The following BTK variants were observed in gnomAD, a reference collection of about 807,000 sequenced individuals.
BTK encodes Bruton tyrosine kinase.
BTK carries 5 observed loss-of-function variants against 57.4 expected under a neutral mutation model. The observed-to-expected ratio is 0.09, with a 90% confidence interval of 0.05 to 0.18. The LOEUF is 0.18. BTK is among the 10% of genes least tolerant of loss of function. BTK has a pLI of 1.00. For synonymous variants in BTK, 154 were observed against 174.3 expected (o/e 0.88, Z 0.92); for missense variants, 194 against 501.2 (o/e 0.39, Z 5.85).
intron 12 of BTK, 49 bp from the exon 13 acceptor site, chrX:101,357,632 A>G: frequency 9.8e-7 from 1 of 1,022,693 alleles, no homozygotes; most frequent in Non-Finnish European, 1.4e-6. Context: ...AGGAGGTGGG[A>G]TGCCTCACAC....
chrX:101,350,088 G>GT (rs1822577000), intron 18 of BTK, 132 bp from the exon 19 acceptor site: 17 of 288,066 alleles, frequency 5.9e-5, no homozygotes, highest in Non-Finnish European at 7.6e-5. Context: ...GATTACAAAA[G>GT]GAAAAAAAAA....
intron 1 of BTK, among the ~76,000 whole-genome samples, chrX:101,378,959 A>AGGTC (rs1346161371): frequency 3.6e-5 from 4 of 110,428 alleles, no homozygotes; most frequent in Admixed American, 9.7e-5. Context: ...GGATCACTTG[A>AGGTC]GGTCAGGAGT....
At position 101,353,052 on chromosome X, in the gene BTK, C is replaced by T. The variant is rs184472722; in HGVS notation, c.1908+142G>A. ...CTGTACTCCAACCTGGGTGAAAGAG[C>T]GAGACCTTGTCTCAAATTAAAAAAA... is the stretch of plus-strand genomic sequence containing the variant. On this transcript the variant is annotated intron_variant, in intron 18 of 18. Transcript: ENST00000308731. The T allele has an allele frequency of 0.044, 25,938 of 588,719 alleles. 568 individuals carry two copies. The highest frequency in any genetic ancestry group is 0.055 in the Non-Finnish European group (20,906 of 381,921). 48.5% of individuals were successfully genotyped at this position (588,719 alleles called of 1,213,427 possible). A position where few individuals can be genotyped will look rare whatever the true frequency, so the allele number is the denominator to read the frequency against.
At chrX:101,361,612 G>C (rs1022454804) in intron 7 of BTK, among the ~76,000 whole-genome samples, 2 of 111,255 alleles carry the variant, frequency 1.8e-5, no homozygotes, top group East Asian at 5.6e-4. Context: ...TAACTTTACT[G>C]TATGTTTGAA....
intron 18 of BTK, among the ~76,000 whole-genome samples, chrX:101,352,476 T>C (rs373142159): frequency 9.0e-6 from 1 of 111,484 alleles, no homozygotes; most frequent in Non-Finnish European, 1.9e-5. Context: ...TCAGAGAATG[T>C]GTGCAAGGCC....
At chrX:101,385,982 T>C (rs1395775323) in intron 1 of BTK, 80 bp downstream of exon 1, 1 of 111,016 alleles carries the variant, frequency 9.0e-6, no homozygotes, top group Non-Finnish European at 1.9e-5. Flanking sequence ...GCACCAGCCA[T>C]GCTGTCTCTC....
At chrX:101,374,986 C>T (rs937641060) in intron 2 of BTK, among the ~76,000 whole-genome samples, 158 bp downstream of exon 2, 1 of 111,460 alleles carries the variant, frequency 9.0e-6, no homozygotes, top group Non-Finnish European at 1.9e-5. Flanking sequence ...CCGGCTTTAG[C>T]TAGTTATAGG....
chrX:101,351,865 T>A lies in BTK; in HGVS notation c.1908+1329A>T, dbSNP rs782069566. ...TAGTTCCCTTTCAAGCAGTAGGTTTTAAAAAAAATCTCATTTAGCCGGGCG... is the reference window on the plus strand; with the variant it reads ...TAGTTCCCTTTCAAGCAGTAGGTTTAAAAAAAAATCTCATTTAGCCGGGCG... On this transcript the variant is annotated intron_variant, in intron 18 of 18. Coordinates refer to ENST00000308731, the MANE Select transcript of BTK (RefSeq NM_000061.3). Among the ~76,000 whole-genome samples the A allele has an allele frequency of 1.3e-4, 14 of 111,564 alleles. No homozygotes were observed. The South Asian group carries it at 3.7e-3, about 30-fold the overall frequency.
chrX:101,354,276 C>T, intron 16 of BTK: 2 of 410,379 alleles, frequency 4.9e-6, no homozygotes, highest in Non-Finnish European at 8.5e-6. Context: ...TGCTCTTCTC[C>T]TTCCCTTCCT....
intron 5 of BTK, among the ~76,000 whole-genome samples, chrX:101,368,313 G>T (rs1410082902): frequency 1.8e-5 from 2 of 112,567 alleles, no homozygotes; most frequent in East Asian, 5.5e-4. Context: ...GAACTGAACT[G>T]TGTATTGCAG....
chrX:101,352,899 CAAAAA>C, intron 18 of BTK: 17 of 169,852 alleles, frequency 1.0e-4, no homozygotes, highest in Non-Finnish European at 1.4e-4. Flanking sequence ...ACTGTGTCAC[CAAAAA>C]AAAAAAAAAA....
chrX:101,378,555 A>ACACACG (rs1320351760), intron 1 of BTK, among the ~76,000 whole-genome samples: 11 of 110,869 alleles, frequency 9.9e-5, no homozygotes, highest in African/African-American at 3.3e-4. Flanking sequence ...ACACACACAC[A>ACACACG]CACACACACC....
intron 1 of BTK, among the ~76,000 whole-genome samples, chrX:101,376,854 T>G (rs1927231231): frequency 9.0e-6 from 1 of 110,713 alleles, no homozygotes; most frequent in Non-Finnish European, 1.9e-5. Context: ...AGATTATTGC[T>G]CACACTAGGA....
intron 5 of BTK, among the ~76,000 whole-genome samples, chrX:101,368,713 G>A: frequency 8.9e-6 from 1 of 112,328 alleles, no homozygotes; most frequent in Non-Finnish European, 1.9e-5. Context: ...AATTAAATGA[G>A]ATAATATATA....
upstream of BTK, among the ~76,000 whole-genome samples, chrX:101,387,884 T>C (rs201792580): frequency 2.8e-5 from 3 of 107,380 alleles, no homozygotes; most frequent in East Asian, 8.9e-4. Flanking sequence ...TTTTTTTTTT[T>C]GAGACGGAGT....
rs1603010521 is a variant in BTK, at chrX:101,362,704, A to G, written c.392-15T>C. The G allele has an allele frequency of 8.3e-7, 1 of 1,211,644 alleles. No individual in the cohort carries two copies. Among genetic ancestry groups the G allele is most frequent in the African/African-American group, 1.7e-5 (1 of 57,841 alleles). On this transcript the variant is annotated splice_polypyrimidine_tract_variant and intron_variant, in intron 5 of 18. Coordinates refer to ENST00000308731, the MANE Select transcript of BTK (RefSeq NM_000061.3). ...GTACCGGATTACTGTAGCAGGAAAG[A>G]AGAGAGAGATCACATCTGACATGGA...
intron 5 of BTK, among the ~76,000 whole-genome samples, chrX:101,367,696 C>G (rs1024849063): frequency 4.5e-5 from 5 of 110,295 alleles, no homozygotes; most frequent in African/African-American, 1.6e-4. Context: ...ATTTGTTGGA[C>G]TAAACTATGA....
At chrX:101,361,222 A>C (rs929216926) in intron 7 of BTK, among the ~76,000 whole-genome samples, 16 of 110,585 alleles carry the variant, frequency 1.4e-4, no homozygotes, top group African/African-American at 3.6e-4. Flanking sequence ...TCAAAAAAAA[A>C]CCCACAAAAA....
At chrX:101,362,127 A>G (rs1555978774) in intron 7 of BTK, 46 bp downstream of exon 7, 9 of 1,158,909 alleles carry the variant, frequency 7.8e-6, no homozygotes, top group East Asian at 3.0e-5. Flanking sequence ...GGGCTTGACT[A>G]TAAGTTTCCA....
Sources: gnomAD v4.1 joint callset for allele counts (sites outside exome capture counted in the v4.1 genomes callset) on GRCh38, gnomAD v4.1.1 for gene constraint, MANE v1.5 for transcripts, NCBI Gene and HGNC (gene_info 2026-07-23, HGNC 2026-07-21) for gene names.